The following CTNND2 variants were observed in gnomAD, a reference collection of about 807,000 sequenced individuals.
CTNND2 encodes the protein catenin delta-2.
Under a neutral mutation model 144.4 loss-of-function variants are expected in CTNND2, and 22 were observed. The ratio of observed to expected loss-of-function variants is 0.15; its 90% CI spans 0.11 to 0.22. CTNND2 has a LOEUF of 0.22. Ranked by LOEUF, CTNND2 falls within the 10% of genes least tolerant of loss-of-function variation. The probability of loss-of-function intolerance (pLI) is 1.00; values close to 1 mark genes in which losing one functional copy is unlikely to be tolerated. For missense variants in CTNND2, 1,353 were observed against 1,618.8 expected (o/e 0.84, Z 2.82); for synonymous variants, 751 against 695.6 (o/e 1.08, Z -1.25).
At chr5:11,415,995 T>C (rs1199069580) in intron 3 of CTNND2, among the ~76,000 whole-genome samples, 1 of 152,070 alleles carries the variant, frequency 6.6e-6, no homozygotes, top group African/African-American at 2.4e-5. Context: ...AAATAATTGT[T>C]GTGTTAAAAC....
intron 2 of CTNND2, among the ~76,000 whole-genome samples, chr5:11,591,883 T>A (rs544119642): frequency 9.8e-4 from 149 of 152,230 alleles, no homozygotes; most frequent in African/African-American, 3.5e-3. Flanking sequence ...TTTCTTGGCC[T>A]GACTTTTGCT....
chr5:11,115,899 A>G (rs923764301), intron 13 of CTNND2, among the ~76,000 whole-genome samples: 1 of 149,990 alleles, frequency 6.7e-6, no homozygotes, highest in Non-Finnish European at 1.5e-5. Context: ...GAGAAGTGCT[A>G]TGCTAACTTA....
intron 1 of CTNND2, among the ~76,000 whole-genome samples, chr5:11,768,038 T>C (rs1293266197): frequency 3.9e-5 from 6 of 152,264 alleles, no homozygotes; most frequent in Non-Finnish European, 8.8e-5. Flanking sequence ...TAATCCAAAA[T>C]GGGAGTTGAC....
intron 3 of CTNND2, among the ~76,000 whole-genome samples, chr5:11,524,815 G>A (rs935895121): frequency 4.0e-5 from 6 of 151,846 alleles, no homozygotes; most frequent in African/African-American, 7.3e-5. Flanking sequence ...TCATCACTTC[G>A]TTTTGCAAAA....
chr5:11,001,057 A>C (rs1739907045), intron 18 of CTNND2, among the ~76,000 whole-genome samples: 3 of 152,224 alleles, frequency 2.0e-5, no homozygotes, highest in Admixed American at 2.0e-4. Context: ...GTAACAAAAC[A>C]GGTCAAAATC....
intron 10 of CTNND2, among the ~76,000 whole-genome samples, chr5:11,203,321 A>C (rs537469191): frequency 1.3e-5 from 2 of 152,184 alleles, no homozygotes; most frequent in Non-Finnish European, 2.9e-5. Flanking sequence ...CCCCTAGTCG[A>C]TCACTCCACA....
intron 3 of CTNND2, among the ~76,000 whole-genome samples, chr5:11,534,113 G>A (rs1256008277): frequency 3.3e-5 from 5 of 152,108 alleles, no homozygotes; most frequent in East Asian, 3.8e-4. Flanking sequence ...GCCTCCTACC[G>A]TGTTTAGATC....
rs148676093 is a variant in CTNND2, at chr5:11,828,657, G to A, written c.37+75160C>T. 2.1e-3 allele frequency among the ~76,000 whole-genome samples: 316 copies of A among 152,290 alleles called. 1 individual carries two copies. The highest frequency in any genetic ancestry group is 3.0e-3 in the Admixed American group (46 of 15,304). On this transcript the variant is annotated intron_variant, in intron 1 of 21. Coordinates refer to ENST00000304623, the MANE Select transcript of CTNND2 (RefSeq NM_001332.4). ...ATGATTGTGAGGCCTCCCCAGCCAC[G>A]TGGAACAGTAATTCCATTAAACCTT...
chr5:11,555,593 A>G (rs1776162599), intron 3 of CTNND2, among the ~76,000 whole-genome samples: 1 of 152,292 alleles, frequency 6.6e-6, no homozygotes, highest in African/African-American at 2.4e-5. Flanking sequence ...GAGGACCCAA[A>G]AAGTATTTTA....
chr5:11,201,118 T>C (rs1561012683), intron 10 of CTNND2, among the ~76,000 whole-genome samples: 1 of 152,232 alleles, frequency 6.6e-6, no homozygotes, highest in African/African-American at 2.4e-5. Flanking sequence ...GAATTCTTCA[T>C]AGGATTTGTC....
intron 3 of CTNND2, among the ~76,000 whole-genome samples, chr5:11,517,521 G>GTA (rs1159008326): frequency 6.6e-6 from 1 of 151,680 alleles, no homozygotes; most frequent in Non-Finnish European, 1.5e-5. Context: ...TTTGATGTAT[G>GTA]TATACATTGT....
intron 10 of CTNND2, among the ~76,000 whole-genome samples, chr5:11,203,057 G>A (rs550221718): frequency 1.7e-4 from 26 of 152,064 alleles, no homozygotes; most frequent in Admixed American, 1.0e-3. Context: ...TGCCTGCCTC[G>A]GCCTCCCAAA....
chr5:11,548,684 A>G (rs1055013675), intron 3 of CTNND2, among the ~76,000 whole-genome samples: 10 of 152,230 alleles, frequency 6.6e-5, no homozygotes, highest in South Asian at 2.1e-4. Context: ...CTCAGGAACA[A>G]CGAAGGAAGT....
intron 2 of CTNND2, among the ~76,000 whole-genome samples, chr5:11,586,006 C>T (rs963457487): frequency 1.3e-5 from 2 of 152,092 alleles, no homozygotes; most frequent in Non-Finnish European, 2.9e-5. Context: ...GGATGGGTGG[C>T]TGGTGGCAGA....
intron 11 of CTNND2, among the ~76,000 whole-genome samples, chr5:11,162,088 G>A (rs35567691): frequency 2.6e-5 from 4 of 151,888 alleles, no homozygotes; most frequent in East Asian, 1.9e-4. Context: ...AGTGGGGGGG[G>A]GTTGCAGTGA....
chr5:11,571,809 A>G (rs556640032), intron 2 of CTNND2, among the ~76,000 whole-genome samples: 2 of 152,264 alleles, frequency 1.3e-5, no homozygotes, highest in South Asian at 2.1e-4. Flanking sequence ...ATTCTAAGTC[A>G]CACATTTTTC....
intron 16 of CTNND2, among the ~76,000 whole-genome samples, chr5:11,041,812 G>T (rs1744720718): frequency 1.3e-5 from 2 of 152,072 alleles, no homozygotes; most frequent in African/African-American, 2.4e-5. Flanking sequence ...CAGGTCTGGG[G>T]AATACTAGTT....
chr5:11,896,268 T>C (rs1737385183), intron 1 of CTNND2, among the ~76,000 whole-genome samples: 1 of 152,138 alleles, frequency 6.6e-6, no homozygotes, highest in Admixed American at 6.5e-5. Context: ...GAGATGTTAA[T>C]AGGTAACTAA....
chr5:11,283,673 C>CAAAAAAAAAAAAAAAA (rs70947250), intron 9 of CTNND2, among the ~76,000 whole-genome samples: 4 of 31,606 alleles, frequency 1.3e-4, no homozygotes, highest in Non-Finnish European at 1.7e-4. Context: ...GACTCCGTCT[C>CAAAAAAAAAAAAAAAA]AAAAAAAAAA....
Sources: gnomAD v4.1 joint callset for allele counts (sites outside exome capture counted in the v4.1 genomes callset) on GRCh38, gnomAD v4.1.1 for gene constraint, MANE v1.5 for transcripts, NCBI Gene and HGNC (gene_info 2026-07-23, HGNC 2026-07-21) for gene names.